The following CDC42SE2 variants were observed in gnomAD, a reference collection of about 807,000 sequenced individuals.
CDC42SE2 encodes CDC42 small effector protein 2.
CDC42SE2 carries 3 observed loss-of-function variants against 11.5 expected under a neutral mutation model. The ratio of observed to expected loss-of-function variants is 0.26; its 90% CI spans 0.12 to 0.67. CDC42SE2 has a LOEUF of 0.67. Among genes scored for constraint, CDC42SE2 ranks in the 30% least tolerant of loss-of-function variants. The probability of loss-of-function intolerance (pLI) is 0.80; values close to 1 mark genes in which losing one functional copy is unlikely to be tolerated. For missense variants in CDC42SE2, 82 were observed against 106.8 expected (o/e 0.77, Z 1.02); for synonymous variants, 33 against 34.8 (o/e 0.95, Z 0.18).
chr5:131,376,247 A>C (rs932650102), intron 3 of CDC42SE2, among the ~76,000 whole-genome samples: 13 of 151,952 alleles, frequency 8.6e-5, no homozygotes, highest in Admixed American at 5.2e-4. Context: ...AAAAAAAAAA[A>C]CAAAAAACCT....
chr5:131,310,806 C>T (rs900805436), intron 1 of CDC42SE2, among the ~76,000 whole-genome samples: 1 of 151,918 alleles, frequency 6.6e-6, no homozygotes, highest in African/African-American at 2.4e-5. Context: ...GTAGAGCTTC[C>T]TCCATCCTTT....
At chr5:131,219,662 C>T in the CDC42SE2 span, among the ~76,000 whole-genome samples, 3 of 152,158 alleles carry the variant, frequency 2.0e-5, no homozygotes, top group Non-Finnish European at 4.4e-5. Context: ...AGAGGCGAGG[C>T]ATGGTGGCCC....
rs572031115 is a variant in CDC42SE2 at position 131,346,121 on chromosome 5, C to G, written c.-285-13088C>G. Among the ~76,000 whole-genome samples, 316 of 152,274 alleles carry G rather than the reference C, an allele frequency of 2.1e-3. 2 individuals carry two copies. Among genetic ancestry groups the G allele is most frequent in the African/African-American group, 7.4e-3 (307 of 41,552 alleles). ...AACGAGCAAAATAACCAGCTAACAT[C>G]ATAATGACAGGATCGAATTCACACA... On this transcript the variant is annotated intron_variant, in intron 2 of 4. Transcript: ENST00000505065.
intron 3 of CDC42SE2, among the ~76,000 whole-genome samples, chr5:131,371,380 A>G (rs1162978552): frequency 6.6e-6 from 1 of 152,186 alleles, no homozygotes; most frequent in African/African-American, 2.4e-5. Context: ...ACCTTTGCAC[A>G]TAGTAAAAAT....
intron 4 of CDC42SE2, 64 bp downstream of exon 4, chr5:131,385,708 C>A: frequency 1.1e-6 from 1 of 913,162 alleles, no homozygotes; most frequent in Non-Finnish European, 1.8e-6. Context: ...ACCTGTGTGA[C>A]AGGCACAAGC....
rs375390040 is a variant in CDC42SE2, at chr5:131,315,303, C to G, written c.-454-673C>G. On this transcript the variant is annotated intron_variant, in intron 1 of 4. Transcript: ENST00000505065. ...ATTTGCAGAATTTGAACTTCAGCTT[C>G]TGACTCTTAAGTCCATGTTTGTTAT... Among the ~76,000 whole-genome samples the G allele has an allele frequency of 1.6e-4, 24 of 152,318 alleles. No individual in the cohort carries two copies. In the East Asian group the frequency reaches 2.5e-3, roughly 16 times the overall value.
At chr5:131,229,582 A>C in the CDC42SE2 span, among the ~76,000 whole-genome samples, 1 of 152,066 alleles carries the variant, frequency 6.6e-6, no homozygotes. Context: ...TTTTTTTAGC[A>C]ATTTAAGAAA....
intron 1 of CDC42SE2, among the ~76,000 whole-genome samples, chr5:131,309,054 C>T (rs867853751): frequency 7.3e-5 from 11 of 151,638 alleles, no homozygotes; most frequent in Non-Finnish European, 1.0e-4. Flanking sequence ...CCAGTTTTTG[C>T]CCATTCAGTA....
intron 1 of CDC42SE2, among the ~76,000 whole-genome samples, chr5:131,251,518 GC>G (rs1312225474): frequency 3.3e-5 from 5 of 151,976 alleles, no homozygotes; most frequent in Non-Finnish European, 1.5e-5. Context: ...CATTTAACAT[GC>G]TTTTTAGTAA....
the CDC42SE2 span, among the ~76,000 whole-genome samples, chr5:131,226,112 A>T: frequency 6.6e-6 from 1 of 152,230 alleles, no homozygotes; most frequent in Non-Finnish European, 1.5e-5. Context: ...TTTAATTGCC[A>T]AAGACAGGAT....
At chr5:131,253,450 TC>T (rs369046090) in intron 1 of CDC42SE2, among the ~76,000 whole-genome samples, 95 of 152,262 alleles carry the variant, frequency 6.2e-4, no homozygotes, top group African/African-American at 2.3e-3. Context: ...CTATTAACTC[TC>T]CCTTAAAGAC....
chr5:131,280,860 A>G (rs181826102), intron 1 of CDC42SE2, among the ~76,000 whole-genome samples: 3 of 152,134 alleles, frequency 2.0e-5, no homozygotes, highest in African/African-American at 7.2e-5. Context: ...AGATATTGCT[A>G]CCCTTTTTAT....
the CDC42SE2 span, among the ~76,000 whole-genome samples, chr5:131,216,509 A>AACAAAC: frequency 2.3e-5 from 3 of 133,128 alleles, no homozygotes; most frequent in African/African-American, 8.2e-5. Context: ...CTCAAAAAAA[A>AACAAAC]AAAAAAAAAA....
chr5:131,379,118 T>A (rs1306655417), intron 3 of CDC42SE2, among the ~76,000 whole-genome samples: 2 of 152,266 alleles, frequency 1.3e-5, no homozygotes, highest in African/African-American at 4.8e-5. Flanking sequence ...TGAGTCAGCA[T>A]AGCTTTCAAC....
intron 2 of CDC42SE2, among the ~76,000 whole-genome samples, chr5:131,345,911 T>C (rs1354807782): frequency 6.6e-6 from 1 of 152,086 alleles, no homozygotes; most frequent in Non-Finnish European, 1.5e-5. Flanking sequence ...GCTTCATAAG[T>C]GAAGGAGAAA....
intron 2 of CDC42SE2, among the ~76,000 whole-genome samples, chr5:131,347,779 C>T (rs1247040378): frequency 2.0e-5 from 3 of 152,166 alleles, no homozygotes; most frequent in East Asian, 1.9e-4. Flanking sequence ...AATCCAGCAG[C>T]ACCTCAAAAA....
At chr5:131,299,475 T>C (rs1018949126) in intron 1 of CDC42SE2, among the ~76,000 whole-genome samples, 3 of 152,260 alleles carry the variant, frequency 2.0e-5, no homozygotes, top group African/African-American at 7.2e-5. Flanking sequence ...AACATGCTTG[T>C]TTCTGGCTTC....
At chr5:131,385,496 T>C (rs1281279948) in intron 3 of CDC42SE2, 47 bp from the exon 4 acceptor site, 2 of 1,341,846 alleles carry the variant, frequency 1.5e-6, no homozygotes, top group South Asian at 2.4e-5. Flanking sequence ...TCAGAATAAG[T>C]TGCTCATAAG....
chr5:131,336,692 A>C (rs1420048034), intron 2 of CDC42SE2, among the ~76,000 whole-genome samples: 1 of 151,796 alleles, frequency 6.6e-6, no homozygotes, highest in African/African-American at 2.4e-5. Context: ...TTTTCTCTAA[A>C]CTTCTCCTCA....
Sources: allele counts gnomAD v4.1 joint callset (sites outside exome capture counted in the v4.1 genomes callset), GRCh38; gene constraint gnomAD v4.1.1; transcripts MANE v1.5; gene names NCBI Gene and HGNC (gene_info 2026-07-23, HGNC 2026-07-21).